Variants in ZNF609 observed in about 807,000 individuals in gnomAD.
ZNF609 encodes the protein zinc finger protein 609.
ZNF609 carries 11 observed loss-of-function variants against 109.5 expected under a neutral mutation model. The ratio of observed to expected loss-of-function variants is 0.10; its 90% CI spans 0.06 to 0.17. The LOEUF (loss-of-function observed/expected upper bound fraction) is 0.17, where lower values mean the gene tolerates loss of function less well. Ranked by LOEUF, ZNF609 falls within the 10% of genes least tolerant of loss-of-function variation. The pLI is 1.00. For synonymous variants in ZNF609, 646 were observed against 662.0 expected, an observed-to-expected ratio of 0.98 and a Z score of 0.37; for missense variants, 1,559 against 1,772.4, an observed-to-expected ratio of 0.88 and a Z score of 2.16.
At chr15:64,573,808 A>G (rs1230201631) in intron 2 of ZNF609, among the ~76,000 whole-genome samples, 2 of 152,102 alleles carry the variant, frequency 1.3e-5, no homozygotes, top group Non-Finnish European at 2.9e-5. Context: ...GGGATGAACT[A>G]TATGTAAAAT....
intron 2 of ZNF609, among the ~76,000 whole-genome samples, chr15:64,532,276 C>G (rs1275335489): frequency 1.3e-5 from 2 of 152,134 alleles, no homozygotes; most frequent in African/African-American, 4.8e-5. Context: ...ATTATTTTTT[C>G]TCGAAGCACT....
chr15:64,496,027 C>G (rs969807049), intron 1 of ZNF609, among the ~76,000 whole-genome samples: 36 of 152,070 alleles, frequency 2.4e-4, no homozygotes, highest in African/African-American at 8.7e-4. Flanking sequence ...CCATGTTGGC[C>G]AGGCTGGTCT....
chr15:64,498,265 A>G (rs1465101423), intron 1 of ZNF609, among the ~76,000 whole-genome samples: 1 of 151,952 alleles, frequency 6.6e-6, no homozygotes, highest in African/African-American at 2.4e-5. Context: ...GGCCAGGCTG[A>G]TCTTGAACTC....
chr15:64,505,618 T>C (rs569333816), intron 2 of ZNF609, among the ~76,000 whole-genome samples: 1 of 152,288 alleles, frequency 6.6e-6, no homozygotes, highest in Admixed American at 6.5e-5. Context: ...CATAAAACCA[T>C]GTACATCACC....
intron 1 of ZNF609, among the ~76,000 whole-genome samples, chr15:64,496,739 T>C (rs1465083009): frequency 6.6e-6 from 1 of 152,236 alleles, no homozygotes. Flanking sequence ...TCTTCTTGTG[T>C]AGTGTTGAGA....
chr15:64,466,228 T>C (rs1224624075), intron 1 of ZNF609, among the ~76,000 whole-genome samples: 2 of 152,138 alleles, frequency 1.3e-5, no homozygotes, highest in African/African-American at 4.8e-5. Flanking sequence ...GATTATCATC[T>C]TCTGTTAATA....
At chr15:64,556,292 G>C (rs1379361878) in intron 2 of ZNF609, among the ~76,000 whole-genome samples, 1 of 151,770 alleles carries the variant, frequency 6.6e-6, no homozygotes, top group Non-Finnish European at 1.5e-5. Flanking sequence ...CACTACTCTT[G>C]GGTAATTTTA....
At chr15:64,659,803 T>A (rs548113792) in intron 3 of ZNF609, among the ~76,000 whole-genome samples, 1 of 152,038 alleles carries the variant, frequency 6.6e-6, no homozygotes, top group South Asian at 2.1e-4. Context: ...TTCAAAACAT[T>A]TTTTTGGAAC....
intron 2 of ZNF609, among the ~76,000 whole-genome samples, chr15:64,567,922 A>G (rs1041956374): frequency 2.2e-4 from 33 of 151,970 alleles, no homozygotes; most frequent in African/African-American, 7.7e-4. Context: ...CAGCCTCCCA[A>G]AGTGCTGGGA....
chr15:64,651,317 G>A (rs1270013749), intron 3 of ZNF609, among the ~76,000 whole-genome samples: 6 of 152,120 alleles, frequency 3.9e-5, no homozygotes, highest in Non-Finnish European at 8.8e-5. Flanking sequence ...TTTTATAACC[G>A]AAATATCTTC....
chr15:64,577,783 C>T (rs2140422785), intron 2 of ZNF609, among the ~76,000 whole-genome samples: 1 of 151,120 alleles, frequency 6.6e-6, no homozygotes, highest in East Asian at 1.9e-4. Context: ...CGCTTGAACC[C>T]AGGAGTCAGA....
chr15:64,594,883 G>A (rs1408765685), intron 2 of ZNF609, among the ~76,000 whole-genome samples: 4 of 151,086 alleles, frequency 2.6e-5, no homozygotes, highest in African/African-American at 7.3e-5. Context: ...AAAATTAGCC[G>A]GGCGCAGTGG....
chr15:64,531,358 CTGAA>C (rs1179020133), intron 2 of ZNF609, among the ~76,000 whole-genome samples: 1 of 152,096 alleles, frequency 6.6e-6, no homozygotes, highest in Non-Finnish European at 1.5e-5. Context: ...CCTAAAAACA[CTGAA>C]AAAGCTACAC....
In ZNF609 at chr15:64,539,498, C is replaced by T. The variant is rs571452034; in HGVS notation, c.747+39332C>T. On this transcript the variant is annotated intron_variant, in intron 2 of 9. Transcript: ENST00000326648. ...CTGGGATTACAGGCGTGAGCCACTGCGCCTGGCCAATTTTTTTATTTTTGA... is the reference window on the plus strand; with the variant it reads ...CTGGGATTACAGGCGTGAGCCACTGTGCCTGGCCAATTTTTTTATTTTTGA... Among the ~76,000 whole-genome samples, 197 of 149,324 alleles carry T rather than the reference C, an allele frequency of 1.3e-3. 1 individual carries two copies. The highest frequency in any genetic ancestry group is 2.2e-3 in the Non-Finnish European group (146 of 67,432).
intron 2 of ZNF609, among the ~76,000 whole-genome samples, chr15:64,522,236 T>C (rs1376164455): frequency 1.3e-5 from 2 of 152,366 alleles, no homozygotes; most frequent in African/African-American, 4.8e-5. Context: ...ATAAGTGCTT[T>C]ATTGTAAAGA....
chr15:64,626,583 A>G (rs892775764), intron 3 of ZNF609, among the ~76,000 whole-genome samples: 2 of 152,166 alleles, frequency 1.3e-5, no homozygotes, highest in African/African-American at 4.8e-5. Context: ...TCTGAGGGGA[A>G]TGGAGGACAC....
At chr15:64,508,839 T>G (rs918309539) in intron 2 of ZNF609, among the ~76,000 whole-genome samples, 1 of 149,636 alleles carries the variant, frequency 6.7e-6, no homozygotes, top group Non-Finnish European at 1.5e-5. Context: ...GGACTACAGG[T>G]GTGTGCCATC....
chr15:64,480,489 C>T (rs904150922), intron 1 of ZNF609, among the ~76,000 whole-genome samples: 1 of 151,562 alleles, frequency 6.6e-6, no homozygotes, highest in Non-Finnish European at 1.5e-5. Context: ...CGAGATTCCA[C>T]CACTGCACTC....
At chr15:64,576,979 T>C (rs374678837) in intron 2 of ZNF609, among the ~76,000 whole-genome samples, 28 of 138,272 alleles carry the variant, frequency 2.0e-4, no homozygotes, top group African/African-American at 7.0e-4. Context: ...TAAATATATA[T>C]ATGTATGTAT....
Sources: allele counts gnomAD v4.1 joint callset (sites outside exome capture counted in the v4.1 genomes callset), GRCh38; gene constraint gnomAD v4.1.1; transcripts MANE v1.5; gene names NCBI Gene and HGNC (gene_info 2026-07-23, HGNC 2026-07-21).